Variants in SPAG16 observed in about 807,000 individuals in gnomAD.
SPAG16 encodes the protein sperm associated antigen 16.
Under a neutral mutation model 80.4 loss-of-function variants are expected in SPAG16, and 86 were observed. That is an observed-to-expected ratio of 1.07 (90% confidence interval 0.90 to 1.28). SPAG16 has a LOEUF of 1.28. Among genes scored for constraint, SPAG16 ranks in the 50% most tolerant of loss-of-function variants. The probability of loss-of-function intolerance (pLI) is 0.00; values close to 1 mark genes in which losing one functional copy is unlikely to be tolerated. For missense variants in SPAG16, 870 were observed against 765.3 expected (o/e 1.14, Z -1.61); for synonymous variants, 294 against 265.9 (o/e 1.11, Z -1.03).
chr2:214,407,723 C>T (rs1702072890), intron 15 of SPAG16, among the ~76,000 whole-genome samples: 1 of 152,046 alleles, frequency 6.6e-6, no homozygotes, highest in African/African-American at 2.4e-5. Flanking sequence ...CTGAGAGTAC[C>T]TCTTCTCTCT....
chr2:213,578,391 G>T (rs1207160809), intron 10 of SPAG16, among the ~76,000 whole-genome samples: 1 of 152,190 alleles, frequency 6.6e-6, no homozygotes, highest in South Asian at 2.1e-4. Flanking sequence ...AGATGCTAAG[G>T]TGTGTATTCT....
intron 15 of SPAG16, among the ~76,000 whole-genome samples, chr2:214,247,174 T>C (rs932691952): frequency 2.6e-5 from 4 of 152,122 alleles, no homozygotes; most frequent in South Asian, 2.1e-4. Context: ...ATTAGTGAAA[T>C]CTATAAAGAA....
At chr2:213,608,421 G>A (rs1559304906) in intron 10 of SPAG16, among the ~76,000 whole-genome samples, 3 of 152,242 alleles carry the variant, frequency 2.0e-5, no homozygotes, top group East Asian at 1.9e-4. Context: ...AGAACATGCG[G>A]TGTTTGGTTT....
intron 15 of SPAG16, among the ~76,000 whole-genome samples, chr2:214,303,653 T>C (rs775645245): frequency 3.9e-5 from 6 of 152,208 alleles, no homozygotes; most frequent in Non-Finnish European, 7.3e-5. Context: ...TTCTTGTGTA[T>C]GATAACAACA....
intron 5 of SPAG16, among the ~76,000 whole-genome samples, chr2:213,318,251 G>GT (rs2063482292): frequency 6.6e-6 from 1 of 151,934 alleles, no homozygotes; most frequent in Non-Finnish European, 1.5e-5. Context: ...TGGAATCAAC[G>GT]TAAGTGTCCA....
intron 15 of SPAG16, among the ~76,000 whole-genome samples, chr2:214,150,879 A>G: frequency 6.6e-6 from 1 of 152,092 alleles, no homozygotes; most frequent in Admixed American, 6.6e-5. Flanking sequence ...CATACAGGTC[A>G]GTGTGATTTT....
intron 10 of SPAG16, among the ~76,000 whole-genome samples, chr2:213,610,381 T>G (rs111838164): frequency 1.3e-5 from 2 of 152,170 alleles, no homozygotes; most frequent in Non-Finnish European, 2.9e-5. Flanking sequence ...TTAACACTTT[T>G]GAAAATCTGA....
At chr2:213,982,554 A>G (rs918628124) in intron 12 of SPAG16, among the ~76,000 whole-genome samples, 2 of 151,926 alleles carry the variant, frequency 1.3e-5, no homozygotes, top group African/African-American at 4.8e-5. Flanking sequence ...AATAAAATAT[A>G]TCTTCTACTA....
At chr2:213,826,257 A>G (rs976314408) in intron 10 of SPAG16, among the ~76,000 whole-genome samples, 10 of 150,508 alleles carry the variant, frequency 6.6e-5, no homozygotes, top group Admixed American at 4.6e-4. Context: ...TATTTCTTCT[A>G]TGATCTTTAT....
intron 5 of SPAG16, among the ~76,000 whole-genome samples, chr2:213,324,812 G>C (rs565907082): frequency 1.3e-5 from 2 of 152,024 alleles, no homozygotes; most frequent in Admixed American, 6.6e-5. Flanking sequence ...TGAACTGCTC[G>C]TACATATTCC....
chr2:213,878,230 T>C (rs1328436921), intron 11 of SPAG16, among the ~76,000 whole-genome samples: 1 of 150,138 alleles, frequency 6.7e-6, no homozygotes, highest in Non-Finnish European at 1.5e-5. Flanking sequence ...GGCAGTTCTA[T>C]TTTTAGTTCT....
chr2:214,337,814 T>A (rs1228285408), intron 15 of SPAG16, among the ~76,000 whole-genome samples: 1 of 152,212 alleles, frequency 6.6e-6, no homozygotes, highest in Non-Finnish European at 1.5e-5. Flanking sequence ...TTCCTTTCTG[T>A]CTTTTATCTT....
At chr2:213,747,252 C>T (rs1043046105) in intron 10 of SPAG16, among the ~76,000 whole-genome samples, 1 of 152,140 alleles carries the variant, frequency 6.6e-6, no homozygotes, top group African/African-American at 2.4e-5. Context: ...TATAGCTGTA[C>T]ATGTTTGTGT....
At chr2:213,920,275 C>T (rs1010634467) in intron 11 of SPAG16, among the ~76,000 whole-genome samples, 1 of 152,090 alleles carries the variant, frequency 6.6e-6, no homozygotes, top group African/African-American at 2.4e-5. Context: ...GCATTTAGCC[C>T]ATTTACATTT....
chr2:214,291,633 A>C (rs1309913612), intron 15 of SPAG16, among the ~76,000 whole-genome samples: 2 of 152,086 alleles, frequency 1.3e-5, no homozygotes, highest in African/African-American at 4.8e-5. Context: ...CCATTCAACC[A>C]GTCTATGTCT....
At chr2:213,612,351 T>C (rs1014812267) in intron 10 of SPAG16, among the ~76,000 whole-genome samples, 1 of 152,220 alleles carries the variant, frequency 6.6e-6, no homozygotes, top group Non-Finnish European at 1.5e-5. Flanking sequence ...TAAGTTATTA[T>C]AATTTTTCTT....
chr2:213,420,012 A>G (rs940798256), intron 9 of SPAG16, among the ~76,000 whole-genome samples: 1 of 150,704 alleles, frequency 6.6e-6, no homozygotes, highest in Non-Finnish European at 1.5e-5. Flanking sequence ...TTTTTTTCTA[A>G]GTATATACAA....
chr2:213,604,645 A>T (rs1304793863), intron 10 of SPAG16, among the ~76,000 whole-genome samples: 1 of 152,062 alleles, frequency 6.6e-6, no homozygotes, highest in East Asian at 1.9e-4. Context: ...CTGCCATATT[A>T]TAGATCTACA....
At chr2:213,667,105 A>G (rs1255709297) in intron 10 of SPAG16, among the ~76,000 whole-genome samples, 4 of 152,228 alleles carry the variant, frequency 2.6e-5, no homozygotes, top group Admixed American at 2.0e-4. Context: ...TTGAGCATCT[A>G]ATTTAGATTT....
Sources: allele counts gnomAD v4.1 joint callset (sites outside exome capture counted in the v4.1 genomes callset), GRCh38; gene constraint gnomAD v4.1.1; transcripts MANE v1.5; gene names NCBI Gene and HGNC (gene_info 2026-07-23, HGNC 2026-07-21).